Variants in DOCK1 observed in about 807,000 individuals in gnomAD.
DOCK1 encodes dedicator of cytokinesis protein 1.
Under a neutral mutation model 262.7 loss-of-function variants are expected in DOCK1, and 138 were observed. That is an observed-to-expected ratio of 0.53 (90% confidence interval 0.46 to 0.61). The LOEUF is 0.61. Among genes scored for constraint, DOCK1 ranks in the 20% least tolerant of loss-of-function variants. DOCK1 has a pLI of 0.00. For synonymous variants in DOCK1, 866 were observed against 867.4 expected, an observed-to-expected ratio of 1.00 and a Z score of 0.03; for missense variants, 1,908 against 2,370.7, an observed-to-expected ratio of 0.80 and a Z score of 4.05.
intron 33 of DOCK1, among the ~76,000 whole-genome samples, chr10:127,367,786 C>G (rs1328853113): frequency 6.6e-6 from 1 of 152,228 alleles, no homozygotes; most frequent in Non-Finnish European, 1.5e-5. Flanking sequence ...GACGCTCTTG[C>G]AATCTCACAC....
intron 23 of DOCK1, among the ~76,000 whole-genome samples, chr10:127,076,378 G>A (rs950391427): frequency 6.6e-6 from 1 of 152,192 alleles, no homozygotes; most frequent in African/African-American, 2.4e-5. Context: ...GCTGGCGCCT[G>A]TAGTCCCTGC....
chr10:127,261,900 G>T (rs1249292774), intron 29 of DOCK1, among the ~76,000 whole-genome samples: 1 of 129,122 alleles, frequency 7.7e-6, no homozygotes, highest in Non-Finnish European at 1.6e-5. Flanking sequence ...CTGTGTGTGT[G>T]CATGTGTGTG....
chr10:127,193,632 GT>G (rs1232491984), intron 27 of DOCK1, among the ~76,000 whole-genome samples: 2 of 152,184 alleles, frequency 1.3e-5, no homozygotes, highest in African/African-American at 4.8e-5. Flanking sequence ...ACTGCGATCC[GT>G]TGTTATTTCT....
At chr10:127,143,630 A>T (rs577918338) in intron 27 of DOCK1, among the ~76,000 whole-genome samples, 7 of 152,294 alleles carry the variant, frequency 4.6e-5, no homozygotes, top group Non-Finnish European at 7.4e-5. Flanking sequence ...ATGTCAACTG[A>T]CATTGGCGCC....
At chr10:127,405,209 C>A (rs1228319474) in intron 40 of DOCK1, among the ~76,000 whole-genome samples, 1 of 152,156 alleles carries the variant, frequency 6.6e-6, no homozygotes, top group Non-Finnish European at 1.5e-5. Context: ...AAACTCCAAA[C>A]CAGGCTCCAT....
At chr10:126,915,843 T>C (rs1453692386) in intron 1 of DOCK1, among the ~76,000 whole-genome samples, 1 of 151,102 alleles carries the variant, frequency 6.6e-6, no homozygotes, top group Admixed American at 6.6e-5. Context: ...TCCTGTGCTG[T>C]TTAATTCTTT....
At chr10:127,361,246 T>C (rs2064414248) in intron 32 of DOCK1, among the ~76,000 whole-genome samples, 1 of 151,422 alleles carries the variant, frequency 6.6e-6, no homozygotes, top group Non-Finnish European at 1.5e-5. Flanking sequence ...CCCAGGTAGC[T>C]GGGACTACAG....
intron 25 of DOCK1, among the ~76,000 whole-genome samples, chr10:127,114,519 C>T (rs746122696): frequency 6.6e-6 from 1 of 152,040 alleles, no homozygotes; most frequent in Non-Finnish European, 1.5e-5. Context: ...CTTCTCTGAG[C>T]AGTTTTATAA....
chr10:127,303,389 G>C (rs2061757307), intron 29 of DOCK1, among the ~76,000 whole-genome samples: 1 of 152,188 alleles, frequency 6.6e-6, no homozygotes, highest in African/African-American at 2.4e-5. Flanking sequence ...TAGAGCCAAA[G>C]TCAATGCCTA....
In DOCK1 at chr10:127,281,954, T is replaced by C. The variant is rs79200616; in HGVS notation, c.3044+24525T>C. 3.2e-3 allele frequency among the ~76,000 whole-genome samples: 485 copies of C among 152,268 alleles called. 1 individual carries two copies. The highest frequency in any genetic ancestry group is 0.01 in the Middle Eastern group (3 of 294). On this transcript the variant is annotated intron_variant, in intron 29 of 51. Coordinates refer to ENST00000623213, the MANE Select transcript of DOCK1 (RefSeq NM_001290223.2). ...TGGGGTGTCCAATCTTTTGGCTTCA[T>C]GTTGGAAGTATTGTCTTGGGCCACA...
intron 29 of DOCK1, 84 bp downstream of exon 29, chr10:127,257,513 A>C: frequency 1.6e-6 from 2 of 1,274,750 alleles, no homozygotes; most frequent in Non-Finnish European, 2.2e-6. Flanking sequence ...CTGGAGACCA[A>C]GCTGGCTTCA....
At chr10:127,005,265 G>C (rs1337398918) in intron 10 of DOCK1, among the ~76,000 whole-genome samples, 1 of 152,036 alleles carries the variant, frequency 6.6e-6, no homozygotes, top group African/African-American at 2.4e-5. Context: ...TTGGGAGGTT[G>C]AGGTTGCTGT....
intron 1 of DOCK1, among the ~76,000 whole-genome samples, chr10:126,931,039 G>T (rs2034148453): frequency 6.6e-6 from 1 of 152,116 alleles, no homozygotes; most frequent in Non-Finnish European, 1.5e-5. Context: ...GGGGCCCCAG[G>T]AAGCCAGTTT....
At chr10:126,991,528 T>C (rs948225959) in intron 6 of DOCK1, among the ~76,000 whole-genome samples, 8 of 151,918 alleles carry the variant, frequency 5.3e-5, no homozygotes, top group African/African-American at 1.9e-4. Flanking sequence ...GTTTTTTTTT[T>C]GTTTGTTTGT....
chr10:127,412,048 C>T (rs1003100525), intron 43 of DOCK1, among the ~76,000 whole-genome samples: 2 of 151,882 alleles, frequency 1.3e-5, no homozygotes, highest in South Asian at 2.1e-4. Context: ...CTGCAAGCTC[C>T]GCCTCCCAGG....
intron 1 of DOCK1, among the ~76,000 whole-genome samples, chr10:126,933,777 G>A (rs1380015050): frequency 3.9e-5 from 6 of 152,264 alleles, no homozygotes; most frequent in African/African-American, 1.4e-4. Flanking sequence ...TCTCCAACAT[G>A]AATTCTCCAT....
At chr10:127,397,054 T>A (rs1264577008) in intron 38 of DOCK1, among the ~76,000 whole-genome samples, 5 of 132,402 alleles carry the variant, frequency 3.8e-5, no homozygotes, top group Non-Finnish European at 6.4e-5. Context: ...TCCTATGTGA[T>A]CTGAGCATGA....
chr10:127,255,974 G>T (rs1033678874), intron 28 of DOCK1, among the ~76,000 whole-genome samples: 2 of 152,172 alleles, frequency 1.3e-5, no homozygotes, highest in Non-Finnish European at 2.9e-5. Context: ...CGGAAGGGAG[G>T]ACTGGGATGC....
chr10:127,409,520 C>G (rs2067721173), intron 42 of DOCK1, 129 bp downstream of exon 42: 1 of 970,668 alleles, frequency 1.0e-6, no homozygotes, highest in Admixed American at 2.2e-5. Flanking sequence ...CTCTTTCTGT[C>G]CTCTTTGAAG....
Sources: gnomAD v4.1 joint callset for allele counts (sites outside exome capture counted in the v4.1 genomes callset) on GRCh38, gnomAD v4.1.1 for gene constraint, MANE v1.5 for transcripts, NCBI Gene and HGNC (gene_info 2026-07-23, HGNC 2026-07-21) for gene names.